FADS1: variants seen among roughly 807,000 people sequenced by gnomAD.
FADS1 encodes acyl-CoA (8-3)-desaturase.
Under a neutral mutation model 61.6 loss-of-function variants are expected in FADS1, and 17 were observed. That is an observed-to-expected ratio of 0.28 (90% confidence interval 0.19 to 0.41). The LOEUF is 0.41. Among genes scored for constraint, FADS1 ranks in the 10% least tolerant of loss-of-function variants. The pLI is 1.00. For synonymous variants in FADS1, 238 were observed against 258.7 expected, an observed-to-expected ratio of 0.92 and a Z score of 0.77; for missense variants, 387 against 650.9, an observed-to-expected ratio of 0.59 and a Z score of 4.41.
Position 61,816,912 on chromosome 11 carries a change from C to A in FADS1, c.18G>T (p.Ala6=). The change falls in exon 1 of 12, where the codon GCG becomes GCT. Residue 6 remains alanine (A), a synonymous_variant. Transcript: ENST00000350997. The surrounding 1 kb of genome is among the most constrained non-coding windows in gnomAD (Gnocchi z 7.0). MGTRA[A]RPAGLPCGAE... ...CACCGCAGGGCAGACCGGCGGGCCT[C>A]GCAGCGCGCGTTCCCATTGGCCGAG... The A allele has an allele frequency of 7.1e-7, 1 of 1,405,032 alleles. No homozygotes were observed. Among genetic ancestry groups the A allele is most frequent in the Non-Finnish European group, 9.2e-7 (1 of 1,091,174 alleles). The allele number at this position is 1,405,032 out of a possible 1,614,324, so 87.0% of individuals were successfully genotyped here. A position where few individuals can be genotyped will look rare whatever the true frequency, so the allele number is the denominator to read the frequency against.
At chr11:61,806,602 C>A (rs1341101394) in intron 6 of FADS1, 62 bp downstream of exon 6, 5 of 1,438,716 alleles carry the variant, frequency 3.5e-6, no homozygotes. Context: ...CAGCCACATC[C>A]TCCTCATTCC....
chr11:61,812,557 C>A lies in FADS1; in HGVS notation c.598G>T (p.Asp200Tyr). ...LLYLLHILLL[D>Y]GAAWLTLWVF... The stretch of plus-strand genomic sequence containing the variant: ...CAAAGGGTGAGCCAGGCTGCACCAT[C>A]CAGCAGCAAGATGTGCAGCAGGTAC... Residue 200 changes from aspartate to tyrosine, a missense_variant, in exon 3 of 12, where the codon GAT (aspartate) becomes TAT (tyrosine). Asp to Tyr is a radical substitution (Grantham distance 160). Around this residue, in one of 2 missense-constraint regions of FADS1, gnomAD observed 257 missense variants for 533.3 expected, o/e 0.48. Coordinates refer to ENST00000350997, the MANE Select transcript of FADS1 (RefSeq NM_013402.7). The A allele has an allele frequency of 6.2e-7, 1 of 1,614,108 alleles. No homozygotes were observed. The highest frequency in any genetic ancestry group is 8.5e-7 in the Non-Finnish European group (1 of 1,180,002).
chr11:61,814,965 TC>T (rs1565321796), intron 1 of FADS1: 2 of 153,434 alleles, frequency 1.3e-5, no homozygotes, highest in Non-Finnish European at 2.9e-5. Flanking sequence ...CTTCCCTACG[TC>T]CGAACTGGGG....
Position 61,802,957 on chromosome 11 carries a change from C to T in FADS1, c.1329-31G>A. 6.2e-7 allele frequency: 1 copy of T among 1,612,824 alleles called. No homozygotes were observed. Among genetic ancestry groups the T allele is most frequent in the Non-Finnish European group, 8.5e-7 (1 of 1,179,046 alleles). On this transcript the variant is annotated intron_variant, in intron 10 of 11. Coordinates refer to ENST00000350997, the MANE Select transcript of FADS1 (RefSeq NM_013402.7). This position sits in a 1 kb window ranked among gnomAD's most constrained non-coding sequence, Gnocchi z 4.2. Reference sequence around the variant, plus strand: ...GGGAGAACGGGGGAGTCAGTGGTTCCTGCTTCTCTGCTCCCACCTGTACCC... The same window carrying T: ...GGGAGAACGGGGGAGTCAGTGGTTCTTGCTTCTCTGCTCCCACCTGTACCC...
chr11:61,806,406 A>C, intron 6 of FADS1: 1 of 525,704 alleles, frequency 1.9e-6, no homozygotes, highest in East Asian at 3.1e-5. Context: ...TCTACACCCC[A>C]AACACCCAGC....
intron 7 of FADS1, chr11:61,804,326 C>T: frequency 4.0e-6 from 1 of 252,020 alleles, no homozygotes; most frequent in Non-Finnish European, 7.6e-6. Flanking sequence ...TCCCCAGAAC[C>T]TATTGCCTGT....
rs377573468 is a variant in FADS1 at position 61,812,720 on chromosome 11, A to G, written c.487-52T>C. On this transcript the variant is annotated intron_variant, in intron 2 of 11. Transcript: ENST00000350997. Reference sequence around the variant, plus strand: ...TTCTTCTCATCTGCACCCCAATGCTACTGGAGACAAGGGCCCTCTCAGGCT... The same window carrying G: ...TTCTTCTCATCTGCACCCCAATGCTGCTGGAGACAAGGGCCCTCTCAGGCT... The G allele has an allele frequency of 2.6e-6, 4 of 1,533,610 alleles. 1 individual carries two copies. Among genetic ancestry groups the G allele is most frequent in the South Asian group, 2.3e-5 (2 of 85,702 alleles).
In FADS1 at chr11:61,799,837, A is replaced by C. The variant is rs2066842656; in HGVS notation, c.*2574T>G. ...TGCCATGATCTACTTGACCAGAGGC[A>C]GCTTTTCCTCTCTAAGCCTATTTTA... On this transcript the variant is annotated 3_prime_UTR_variant, in exon 12 of 12. Coordinates refer to ENST00000350997, the MANE Select transcript of FADS1 (RefSeq NM_013402.7). 1 of 152,834 alleles carries C rather than the reference A, an allele frequency of 6.5e-6. No individual in the cohort carries two copies. Among genetic ancestry groups the C allele is most frequent in the Admixed American group, 6.5e-5 (1 of 15,292 alleles). 9.5% of individuals were successfully genotyped at this position (152,834 alleles called of 1,614,324 possible).
At chr11:61,812,816 G>T in intron 2 of FADS1, 148 bp from the exon 3 acceptor site, 1 of 684,268 alleles carries the variant, frequency 1.5e-6, no homozygotes, top group Non-Finnish European at 2.5e-6. Flanking sequence ...CAATGAGGAT[G>T]ACAGGAGGAG....
At position 61,802,785 on chromosome 11, in the gene FADS1, G is replaced by C; in HGVS notation, c.1454+16C>G. 1 of 1,614,028 alleles carries C rather than the reference G, an allele frequency of 6.2e-7. No homozygotes were observed. The highest frequency in any genetic ancestry group is 1.7e-5 in the Admixed American group (1 of 60,022). On this transcript the variant is annotated intron_variant, in intron 11 of 11. Transcript: ENST00000350997. The surrounding 1 kb of genome is among the most constrained non-coding windows in gnomAD (Gnocchi z 4.2). Reference sequence around the variant, plus strand: ...TTCCCTCCCTACTAGCCATCTTCCTGGTCTCAGATACTCACTGGATGATGT... The same window carrying C: ...TTCCCTCCCTACTAGCCATCTTCCTCGTCTCAGATACTCACTGGATGATGT...
chr11:61,806,489 C>T (rs958460407), intron 6 of FADS1, 175 bp downstream of exon 6: 23 of 618,574 alleles, frequency 3.7e-5, no homozygotes, highest in South Asian at 2.7e-4. Flanking sequence ...AACTTCACTT[C>T]GCTCAGCTGA....
chr11:61,813,522 T>C (rs2066946720), intron 1 of FADS1, 169 bp from the exon 2 acceptor site: 2 of 597,496 alleles, frequency 3.3e-6, no homozygotes, highest in Non-Finnish European at 5.9e-6. Flanking sequence ...AGAACTTTTC[T>C]GTAGCTAGAG....
At position 61,811,035 on chromosome 11, in the gene FADS1, G is replaced by A. The variant is rs2066927504; in HGVS notation, c.725C>T (p.Ser242Leu). Residue 242 changes from serine (S) to leucine (L), a missense_variant, in exon 4 of 12, where the codon TCG becomes TTG. Physicochemically the swap from Ser to Leu is moderately radical, Grantham distance 145. This residue lies in a region of FADS1 where 257 missense variants were observed against 533.3 expected (regional missense o/e 0.48). Coordinates refer to ENST00000350997, the MANE Select transcript of FADS1 (RefSeq NM_013402.7). ...GTTCCACTTTGAGGTGCTGAAGACCGACAGGTGCCCAAAGTCATGCTGCAG... is the reference window on the plus strand; with the variant it reads ...GTTCCACTTTGAGGTGCTGAAGACCAACAGGTGCCCAAAGTCATGCTGCAG... ...GWLQHDFGHL[S>L]VFSTSKWNHL... 2.5e-6 allele frequency: 4 copies of A among 1,613,812 alleles called. No individual in the cohort carries two copies. Among genetic ancestry groups the A allele is most frequent in the Non-Finnish European group, 3.4e-6 (4 of 1,180,010 alleles).
Position 61,803,018 on chromosome 11 carries a change from G to C in FADS1, c.1328+14C>G. ...CCCTCCCCAGGACCCTGCTTCCCCA[G>C]GCTCCCTACTCACTGGTGCTCAATC... On this transcript the variant is annotated intron_variant, in intron 10 of 11. Coordinates refer to ENST00000350997, the MANE Select transcript of FADS1 (RefSeq NM_013402.7). This position sits in a 1 kb window ranked among gnomAD's most constrained non-coding sequence, Gnocchi z 4.3. 1 of 1,614,106 alleles carries C rather than the reference G, an allele frequency of 6.2e-7. No homozygotes were observed. The highest frequency in any genetic ancestry group is 1.1e-5 in the South Asian group (1 of 91,080).
At position 61,800,260 on chromosome 11, in the gene FADS1, C is replaced by T. The variant is rs139299536; in HGVS notation, c.*2151G>A. The T allele has an allele frequency of 1.1e-3, 170 of 151,124 alleles. No individual in the cohort carries two copies. The highest frequency in any genetic ancestry group is 4.0e-3 in the African/African-American group (165 of 41,050). The allele number at this position is 151,124 out of a possible 1,614,324, so 9.4% of individuals were successfully genotyped here. On this transcript the variant is annotated 3_prime_UTR_variant, in exon 12 of 12. Coordinates refer to ENST00000350997, the MANE Select transcript of FADS1 (RefSeq NM_013402.7). ...CCAGGCTGGAGTGCAGTGGTGTGAT[C>T]TCAGCTCGCTGCAGGCTTGACCTCC...
Position 61,802,046 on chromosome 11 carries a change from T to C in FADS1, c.*365A>G. 4.0e-6 allele frequency: 1 copy of C among 248,244 alleles called. No individual in the cohort carries two copies. Among genetic ancestry groups the C allele is most frequent in the Admixed American group, 4.9e-5 (1 of 20,492 alleles). 15.4% of individuals were successfully genotyped at this position (248,244 alleles called of 1,614,324 possible). On this transcript the variant is annotated 3_prime_UTR_variant, in exon 12 of 12. Coordinates refer to ENST00000350997, the MANE Select transcript of FADS1 (RefSeq NM_013402.7). The surrounding 1 kb of genome is among the most constrained non-coding windows in gnomAD (Gnocchi z 4.2). ...CAGGCGCGTGCCACCACGCCCGGCA[T>C]GAGTGGAATTTTAGTGTTAAATCTC...
In FADS1 at chr11:61,802,307, C is replaced by T; in HGVS notation, c.*104G>A. The T allele has an allele frequency of 9.6e-7, 1 of 1,037,662 alleles. No individual in the cohort carries two copies. The highest frequency in any genetic ancestry group is 1.5e-6 in the Non-Finnish European group (1 of 683,538). 64.3% of individuals were successfully genotyped at this position (1,037,662 alleles called of 1,614,324 possible). ...GAGGCTTTATGTCCCCAAACCCAAC[C>T]CCCTCTGAGTATTAAACTATAGTGG... On this transcript the variant is annotated 3_prime_UTR_variant, in exon 12 of 12. Coordinates refer to ENST00000350997, the MANE Select transcript of FADS1 (RefSeq NM_013402.7). The surrounding 1 kb of genome is among the most constrained non-coding windows in gnomAD (Gnocchi z 4.2).
chr11:61,809,719 G>A (rs527975137), intron 5 of FADS1, among the ~76,000 whole-genome samples: 4 of 152,280 alleles, frequency 2.6e-5, no homozygotes, highest in African/African-American at 9.6e-5. Flanking sequence ...GGAGTCAGAC[G>A]GGGGACAGGG....
chr11:61,812,517 G>T lies in FADS1; in HGVS notation c.638C>A (p.Ser213Tyr). 1 of 1,614,088 alleles carries T rather than the reference G, an allele frequency of 6.2e-7. No homozygotes were observed. Among genetic ancestry groups the T allele is most frequent in the Non-Finnish European group, 8.5e-7 (1 of 1,180,036 alleles). Reference sequence around the variant, plus strand: ...CGCACAGAGGAGGAAGGGCAAAAAGGACGTCCCAAAGACCCAAAGGGTGAG... The same window carrying T: ...CGCACAGAGGAGGAAGGGCAAAAAGTACGTCCCAAAGACCCAAAGGGTGAG... ...AWLTLWVFGT[S>Y]FLPFLLCAVL... Residue 213 changes from serine to tyrosine, a missense_variant, in exon 3 of 12, where the codon TCC becomes TAC. Coordinates refer to ENST00000350997, the MANE Select transcript of FADS1 (RefSeq NM_013402.7).
Sources: allele counts gnomAD v4.1 joint callset (sites outside exome capture counted in the v4.1 genomes callset), GRCh38; gene constraint gnomAD v4.1.1; regional missense constraint gnomAD v4.1.1; non-coding constraint Gnocchi (gnomAD v3.1); transcripts MANE v1.5; gene names NCBI Gene and HGNC (gene_info 2026-07-23, HGNC 2026-07-21).